The following FCRL6 variants were observed in gnomAD, a reference collection of about 807,000 sequenced individuals.
The protein encoded by FCRL6 is Fc receptor-like protein 6.
In FCRL6, 50 loss-of-function variants were observed where a neutral mutation model predicts 49.1. The observed-to-expected ratio is 1.02, with a 90% CI of 0.81 to 1.29. FCRL6 has a LOEUF of 1.29. Ranked by LOEUF, FCRL6 falls within the 50% of genes most tolerant of loss-of-function variation. The probability of loss-of-function intolerance (pLI) is 0.00; values close to 1 mark genes in which losing one functional copy is unlikely to be tolerated. For missense variants in FCRL6, 571 were observed against 518.5 expected, an observed-to-expected ratio of 1.10 and a Z score of -0.98; for synonymous variants, 213 against 199.6, an observed-to-expected ratio of 1.07 and a Z score of -0.57.
chr1:159,810,038 G>A, intron 5 of FCRL6, 56 bp from the exon 6 acceptor site: 1 of 1,575,334 alleles, frequency 6.3e-7, no homozygotes, highest in South Asian at 1.2e-5. Context: ...AGGCTAGAAT[G>A]CATTTCCGAA....
Position 159,815,876 on chromosome 1 carries a change from C to A in FCRL6, c.*215C>A. On this transcript the variant is annotated 3_prime_UTR_variant, in exon 10 of 10. Transcript: ENST00000368106. ...GGAATGGGAAGGGAGATGCTCCCAC[C>A]AACACACACACTTAGGTTCAATCAG... The A allele has an allele frequency of 1.8e-6, 1 of 540,928 alleles. No homozygotes were observed. 33.5% of individuals were successfully genotyped at this position (540,928 alleles called of 1,614,324 possible). A position where few individuals can be genotyped will look rare whatever the true frequency, so the allele number is the denominator to read the frequency against.
At chr1:159,814,151 C>T in intron 7 of FCRL6, 70 bp from the exon 8 acceptor site, 1 of 1,437,860 alleles carries the variant, frequency 7.0e-7, no homozygotes, top group Non-Finnish European at 9.8e-7. Context: ...CTCTCCATGT[C>T]TTCAGGACAC....
At chr1:159,815,489 CCT>C (rs745501411) in intron 9 of FCRL6, 30 bp downstream of exon 9, 5 of 1,613,952 alleles carry the variant, frequency 3.1e-6, no homozygotes, top group South Asian at 1.1e-5. Flanking sequence ...CCTTTCTCAC[CCT>C]CTCTCTTACA....
rs1316286400 is a variant in FCRL6, at chr1:159,808,410, A to G, written c.285A>G (p.Thr95=). The G allele has an allele frequency of 1.9e-6, 3 of 1,614,228 alleles. No individual in the cohort carries two copies. The highest frequency in any genetic ancestry group is 1.7e-6 in the Non-Finnish European group (2 of 1,180,034). Residue 95 remains threonine (T), a synonymous_variant, in exon 3 of 10, where the codon ACA becomes ACG. Transcript: ENST00000368106. ...TGATGTATATTCCACAGACATTCAC[A>G]CAAACTTCAGAGACTGCCATGGTTC... ...GQVMYIPQTF[T]QTSETAMVQV...
chr1:159,813,137 A>G (rs1351363795), intron 6 of FCRL6, among the ~76,000 whole-genome samples: 1 of 152,170 alleles, frequency 6.6e-6, no homozygotes, highest in Non-Finnish European at 1.5e-5. Flanking sequence ...TTTTATTTGG[A>G]TTGCCTGGCC....
At chr1:159,813,271 C>T (rs980660252) in intron 6 of FCRL6, among the ~76,000 whole-genome samples, 8 of 152,194 alleles carry the variant, frequency 5.3e-5, no homozygotes, top group African/African-American at 1.9e-4. Context: ...ACCTTACTTC[C>T]TCCTAGTTTG....
chr1:159,812,682 T>C (rs2101757817), intron 6 of FCRL6, among the ~76,000 whole-genome samples: 1 of 152,310 alleles, frequency 6.6e-6, no homozygotes. Flanking sequence ...TGTCTAAGTC[T>C]CCATAAATCC....
intron 2 of FCRL6, among the ~76,000 whole-genome samples, chr1:159,807,968 A>T (rs1454757459): frequency 6.6e-6 from 1 of 151,698 alleles, no homozygotes; most frequent in Non-Finnish European, 1.5e-5. Context: ...AGGGAAGAGG[A>T]AGGAGAGAAG....
At chr1:159,813,066 G>T (rs1053276589) in intron 6 of FCRL6, among the ~76,000 whole-genome samples, 1 of 152,196 alleles carries the variant, frequency 6.6e-6, no homozygotes, top group African/African-American at 2.4e-5. Context: ...AGGAAGAGAG[G>T]TGTTTTTGAA....
At chr1:159,800,697 T>C, upstream of FCRL6, 1 of 1,206,078 alleles carries the variant, frequency 8.3e-7, no homozygotes, top group South Asian at 1.3e-5. Flanking sequence ...CCGAAAAAAA[T>C]GCCTGGCAGT....
chr1:159,811,418 A>C (rs540889630), intron 6 of FCRL6, among the ~76,000 whole-genome samples: 2 of 152,232 alleles, frequency 1.3e-5, no homozygotes, highest in Non-Finnish European at 2.9e-5. Flanking sequence ...TACTTATTTA[A>C]GTTTGCAGCT....
At position 159,807,539 on chromosome 1, in the gene FCRL6, T is replaced by C. The variant is rs184441110; in HGVS notation, c.53-639T>C. Among the ~76,000 whole-genome samples, 201 of 152,278 alleles carry C rather than the reference T, an allele frequency of 1.3e-3. 5 individuals are homozygous for C. The South Asian group carries it at 0.022, about 16-fold the overall frequency. Reference sequence around the variant, plus strand: ...TAGGAATAGAGACAGAGAGAACAGATCCCTTCCATAAGAGTGGTGGAAGAT... The same window carrying C: ...TAGGAATAGAGACAGAGAGAACAGACCCCTTCCATAAGAGTGGTGGAAGAT... On this transcript the variant is annotated intron_variant, in intron 2 of 9. Transcript: ENST00000368106.
At chr1:159,811,362 G>C (rs888753840) in intron 6 of FCRL6, among the ~76,000 whole-genome samples, 1 of 152,200 alleles carries the variant, frequency 6.6e-6, no homozygotes, top group Non-Finnish European at 1.5e-5. Context: ...TTTTCTGCTT[G>C]TCTAGGACAA....
rs1484022069 is a variant in FCRL6 at position 159,815,693 on chromosome 1, C to T, written c.*32C>T. 2 of 1,611,546 alleles carry T rather than the reference C, an allele frequency of 1.2e-6. No homozygotes were observed. The highest frequency in any genetic ancestry group is 1.7e-6 in the Non-Finnish European group (2 of 1,179,200). Reference sequence around the variant, plus strand: ...TGTTCTCCTATCAACACACGCCCACCCCCAGTCTCCAGTGCTCCTCAGGAA... The same window carrying T: ...TGTTCTCCTATCAACACACGCCCACTCCCAGTCTCCAGTGCTCCTCAGGAA... On this transcript the variant is annotated 3_prime_UTR_variant, in exon 10 of 10. Coordinates refer to ENST00000368106, the MANE Select transcript of FCRL6 (RefSeq NM_001004310.3).
intron 6 of FCRL6, among the ~76,000 whole-genome samples, 200 bp downstream of exon 6, chr1:159,810,416 C>T (rs968662487): frequency 6.6e-6 from 1 of 152,236 alleles, no homozygotes; most frequent in African/African-American, 2.4e-5. Flanking sequence ...CACACATGCA[C>T]TTGCTCACAT....
chr1:159,804,623 G>T (rs1662559871), intron 1 of FCRL6, among the ~76,000 whole-genome samples: 1 of 152,224 alleles, frequency 6.6e-6, no homozygotes, highest in Admixed American at 6.5e-5. Flanking sequence ...CCAGTTGGCT[G>T]CTGTTTTGAT....
intron 2 of FCRL6, 112 bp downstream of exon 2, chr1:159,806,728 C>G: frequency 9.6e-7 from 1 of 1,039,028 alleles, no homozygotes; most frequent in Admixed American, 1.7e-5. Context: ...CAGAGCAGCA[C>G]CAGACTAGGC....
chr1:159,803,465 T>C (rs1662474039), intron 1 of FCRL6, among the ~76,000 whole-genome samples: 1 of 152,174 alleles, frequency 6.6e-6, no homozygotes, highest in Admixed American at 6.5e-5. Context: ...AAATGCCCCT[T>C]CCACTCAATG....
rs200367982 is a variant in FCRL6 at position 159,815,670 on chromosome 1, T to G, written c.*9T>G. ...AGGAGGTTCTCTGCTAGTGATGGTGTTCTCCTATCAACACACGCCCACCCC... is the reference window on the plus strand; with the variant it reads ...AGGAGGTTCTCTGCTAGTGATGGTGGTCTCCTATCAACACACGCCCACCCC... On this transcript the variant is annotated 3_prime_UTR_variant, in exon 10 of 10. Coordinates refer to ENST00000368106, the MANE Select transcript of FCRL6 (RefSeq NM_001004310.3). The G allele has an allele frequency of 1.2e-6, 2 of 1,613,842 alleles. No individual in the cohort carries two copies. The highest frequency in any genetic ancestry group is 1.7e-6 in the Non-Finnish European group (2 of 1,179,962).
Sources: gnomAD v4.1 joint callset for allele counts (sites outside exome capture counted in the v4.1 genomes callset) on GRCh38, gnomAD v4.1.1 for gene constraint, MANE v1.5 for transcripts, NCBI Gene and HGNC (gene_info 2026-07-23, HGNC 2026-07-21) for gene names.